The following TSPEAR variants were observed in gnomAD, a reference collection of about 807,000 sequenced individuals.
The protein encoded by TSPEAR is thrombospondin type laminin G domain and EAR repeats.
In TSPEAR, 69 loss-of-function variants were observed where a neutral mutation model predicts 71.6. The observed-to-expected ratio is 0.96, with a 90% confidence interval of 0.79 to 1.18. TSPEAR has a LOEUF of 1.18. Among genes scored for constraint, TSPEAR ranks in the 50% most tolerant of loss-of-function variants. The probability of loss-of-function intolerance (pLI) is 0.00; values close to 1 mark genes in which losing one functional copy is unlikely to be tolerated. For synonymous variants in TSPEAR, 402 were observed against 387.2 expected, an observed-to-expected ratio of 1.04 and a Z score of -0.45; for missense variants, 971 against 894.9, an observed-to-expected ratio of 1.09 and a Z score of -1.09.
intron 1 of TSPEAR, among the ~76,000 whole-genome samples, chr21:44,643,133 C>A (rs373755250): frequency 2.6e-5 from 4 of 152,196 alleles, no homozygotes; most frequent in Admixed American, 6.5e-5. Flanking sequence ...CCTGCACACA[C>A]TATGCTAGGT....
chr21:44,567,800 G>A lies in TSPEAR; in HGVS notation c.288C>T (p.Pro96=). 3.2e-6 allele frequency: 5 copies of A among 1,577,700 alleles called. No individual in the cohort carries two copies. Among genetic ancestry groups the A allele is most frequent in the Non-Finnish European group, 4.3e-6 (5 of 1,160,862 alleles). The change falls in exon 2 of 12, where the codon CCC becomes CCT. Residue 96 remains proline, a synonymous_variant. Coordinates refer to ENST00000323084, the MANE Select transcript of TSPEAR (RefSeq NM_144991.3). The part of the protein sequence containing the change: ...EFSIVVTLRV[P]NLPPKRNEYL... ...TGCCACTGACCTTGGGTGGAAGATT[G>A]GGAACTCTCAAAGTTACGACGATGG...
At position 44,711,392 on chromosome 21, in the gene TSPEAR, G is replaced by T. The variant is rs782011352; in HGVS notation, c.82+41C>A. On this transcript the variant is annotated intron_variant, in intron 1 of 11. Transcript: ENST00000323084. The surrounding 1 kb of genome is among the most constrained non-coding windows in gnomAD (Gnocchi z 4.5). ...GACTCGACACCCCTCCCAGCTCCCC[G>T]GCAAGATACCCCCGCCCGAGTTCCC... The T allele has an allele frequency of 1.3e-6, 2 of 1,541,738 alleles. No homozygotes were observed. The highest frequency in any genetic ancestry group is 1.2e-5 in the South Asian group (1 of 84,160).
At chr21:44,688,627 T>G (rs544867889) in intron 1 of TSPEAR, among the ~76,000 whole-genome samples, 2 of 151,900 alleles carry the variant, frequency 1.3e-5, no homozygotes, top group East Asian at 3.9e-4. Context: ...GGCTGAGGCA[T>G]GAACCCGGGA....
chr21:44,708,987 CGT>C (rs1423207961), intron 1 of TSPEAR, among the ~76,000 whole-genome samples: 3 of 152,326 alleles, frequency 2.0e-5, no homozygotes, highest in South Asian at 4.1e-4. Flanking sequence ...CAGGGTCCCG[CGT>C]GACCGGTCCC....
At chr21:44,606,251 G>C (rs1981307602) in intron 1 of TSPEAR, among the ~76,000 whole-genome samples, 1 of 151,290 alleles carries the variant, frequency 6.6e-6, no homozygotes, top group Admixed American at 6.6e-5. Flanking sequence ...CATTTAAATG[G>C]ACAGCAGGTA....
At chr21:44,699,005 AGCCTG>A (rs1464467975) in intron 1 of TSPEAR, among the ~76,000 whole-genome samples, 2 of 152,150 alleles carry the variant, frequency 1.3e-5, no homozygotes, top group Non-Finnish European at 2.9e-5. Flanking sequence ...ATTCGAGACC[AGCCTG>A]GCCAACATAG....
chr21:44,581,697 C>G (rs1424802020), intron 1 of TSPEAR, among the ~76,000 whole-genome samples: 1 of 152,222 alleles, frequency 6.6e-6, no homozygotes, highest in Non-Finnish European at 1.5e-5. Context: ...ACTCATCTCT[C>G]AAGGTCTTTC....
At position 44,555,416 on chromosome 21, in the gene TSPEAR, G is replaced by A. The variant is rs373644918; in HGVS notation, c.303+12369C>T. ...ACACAGCCTAGAAATGGGGACTCCC[G>A]CACTAGCAGGGCCCCCACATCCCAC... On this transcript the variant is annotated intron_variant, in intron 2 of 11. Transcript: ENST00000323084. 4.1e-3 allele frequency among the ~76,000 whole-genome samples: 624 copies of A among 152,262 alleles called. 3 individuals carry two copies. Among genetic ancestry groups the A allele is most frequent in the African/African-American group, 0.014 (598 of 41,550 alleles).
intron 1 of TSPEAR, among the ~76,000 whole-genome samples, chr21:44,694,347 A>C (rs1351550440): frequency 6.6e-6 from 1 of 152,256 alleles, no homozygotes; most frequent in Non-Finnish European, 1.5e-5. Context: ...TCTTACATGA[A>C]GTATCTAGAA....
rs1169998741 is a variant in TSPEAR at position 44,506,789 on chromosome 21, G to C, written c.1755-1908C>G. 2.0e-5 allele frequency: 3 copies of C among 152,190 alleles called. No individual in the cohort carries two copies. The highest frequency in any genetic ancestry group is 4.4e-5 in the Non-Finnish European group (3 of 68,034). 9.4% of individuals were successfully genotyped at this position (152,190 alleles called of 1,614,324 possible). A position where few individuals can be genotyped will look rare whatever the true frequency, so the allele number is the denominator to read the frequency against. ...CTGAGCTCTGAAACCCAGACCCGAGGAAGACAAGCGGCCACGTCGGATGTA... is the reference window on the plus strand; with the variant it reads ...CTGAGCTCTGAAACCCAGACCCGAGCAAGACAAGCGGCCACGTCGGATGTA... On this transcript the variant is annotated intron_variant, in intron 10 of 11. Transcript: ENST00000323084. The surrounding 1 kb of genome is among the most constrained non-coding windows in gnomAD (Gnocchi z 4.2).
intron 1 of TSPEAR, among the ~76,000 whole-genome samples, chr21:44,664,707 A>G (rs781824999): frequency 1.3e-5 from 2 of 152,214 alleles, no homozygotes; most frequent in African/African-American, 2.4e-5. Context: ...TGGCAAAAAG[A>G]TACTTAGCAT....
At chr21:44,552,744 A>G (rs781930033) in intron 2 of TSPEAR, among the ~76,000 whole-genome samples, 15 of 152,180 alleles carry the variant, frequency 9.9e-5, no homozygotes, top group Non-Finnish European at 1.9e-4. Context: ...ACAGCCCCCA[A>G]CAGCCCCTCC....
At chr21:44,677,032 T>A (rs1986346452) in intron 1 of TSPEAR, 5 of 857,644 alleles carry the variant, frequency 5.8e-6, no homozygotes, top group Non-Finnish European at 1.0e-5. Context: ...CAGCTGTCGT[T>A]TAAAGTCATC....
chr21:44,620,181 G>C (rs144137522), intron 1 of TSPEAR, among the ~76,000 whole-genome samples: 180 of 152,334 alleles, frequency 1.2e-3, no homozygotes, highest in Non-Finnish European at 1.9e-3. Context: ...TGGGCACAGG[G>C]GTGGGGAGCA....
chr21:44,582,574 C>T (rs1979055753), intron 1 of TSPEAR, among the ~76,000 whole-genome samples: 1 of 152,202 alleles, frequency 6.6e-6, no homozygotes, highest in Non-Finnish European at 1.5e-5. Context: ...GATCCACGCC[C>T]TCTGTCGCTC....
Position 44,522,081 on chromosome 21 carries a change from G to A in TSPEAR, c.1368C>T (p.Tyr456=). 2 of 1,614,128 alleles carry A rather than the reference G, an allele frequency of 1.2e-6. No homozygotes were observed. The highest frequency in any genetic ancestry group is 1.1e-5 in the South Asian group (1 of 91,084). ...AGAGCCGGGTTGCCGGGTTCCACTTGTAGATGACACTGTCGATGTTGTGGT... is the reference window on the plus strand; with the variant it reads ...AGAGCCGGGTTGCCGGGTTCCACTTATAGATGACACTGTCGATGTTGTGGT... ...GDNHNIDSVI[Y]KWNPATRLFE... is the part of the protein sequence containing the mutation. The change falls in exon 9 of 12, where the codon TAC becomes TAT. Residue 456 remains tyrosine, a synonymous_variant. Coordinates refer to ENST00000323084, the MANE Select transcript of TSPEAR (RefSeq NM_144991.3).
In TSPEAR at chr21:44,642,566, G is replaced by T. The variant is rs1446426295; in HGVS notation, c.82+68867C>A. ...TCCTCAAAAAATTAAAAATGGGGCC[G>T]GGCGCAGTGGCTCATGCCTGTAATC... On this transcript the variant is annotated intron_variant, in intron 1 of 11. Transcript: ENST00000323084. The surrounding 1 kb of genome is among the most constrained non-coding windows in gnomAD (Gnocchi z 4.1). Among the ~76,000 whole-genome samples the T allele has an allele frequency of 6.6e-6, 1 of 152,212 alleles. No homozygotes were observed. Among genetic ancestry groups the T allele is most frequent in the African/African-American group, 2.4e-5 (1 of 41,458 alleles).
chr21:44,583,955 G>C (rs1979176594), intron 1 of TSPEAR, among the ~76,000 whole-genome samples: 1 of 152,164 alleles, frequency 6.6e-6, no homozygotes, highest in Non-Finnish European at 1.5e-5. Context: ...TGCACATGAG[G>C]TTTCCAGAAC....
In TSPEAR at chr21:44,527,925, ACTG is replaced by A. The variant is rs1194627715; in HGVS notation, c.923-410_923-408del. 6.6e-5 allele frequency among the ~76,000 whole-genome samples: 10 copies of A among 152,232 alleles called. No homozygotes were observed. The East Asian group carries it at 1.9e-3, about 29-fold the overall frequency. ...CTCACCTCCCCAGCAGCGGGAACGG[ACTG>A]CTGAGAAGGCTCTCTGTAAAAATAA... On this transcript the variant is annotated intron_variant, in intron 6 of 11. Transcript: ENST00000323084.
Sources: allele counts gnomAD v4.1 joint callset (sites outside exome capture counted in the v4.1 genomes callset), GRCh38; gene constraint gnomAD v4.1.1; non-coding constraint Gnocchi (gnomAD v3.1); transcripts MANE v1.5; gene names NCBI Gene and HGNC (gene_info 2026-07-23, HGNC 2026-07-21).